CPA6: variants seen among roughly 807,000 people sequenced by gnomAD.
CPA6 encodes carboxypeptidase B.
A neutral mutation model predicts 63.3 loss-of-function variants in CPA6; 58 were observed. The ratio of observed to expected loss-of-function variants is 0.92; its 90% CI spans 0.74 to 1.14. CPA6 has a LOEUF of 1.14. Among genes scored for constraint, CPA6 ranks in the 50% most tolerant of loss-of-function variants. CPA6 has a pLI of 0.00. For missense variants in CPA6, 565 were observed against 526.6 expected (o/e 1.07, Z -0.71); for synonymous variants, 185 against 179.0 (o/e 1.03, Z -0.27).
intron 2 of CPA6, among the ~76,000 whole-genome samples, chr8:67,605,833 C>G (rs1425173315): frequency 1.3e-5 from 2 of 152,028 alleles, no homozygotes; most frequent in Admixed American, 6.5e-5. Context: ...AAGACCAGGC[C>G]TTGTTCAGTT....
At position 67,447,544 on chromosome 8, in the gene CPA6, CA is replaced by C. The variant is rs1563956711; in HGVS notation, c.839-13305del. Among the ~76,000 whole-genome samples, 280 of 122,412 alleles carry C rather than the reference CA, an allele frequency of 2.3e-3. 1 individual carries two copies. Among genetic ancestry groups the C allele is most frequent in the African/African-American group, 0.011 (231 of 20,870 alleles). 80.3% of individuals were successfully genotyped at this position (122,412 alleles called of 152,430 possible). A position where few individuals can be genotyped will look rare whatever the true frequency, so the allele number is the denominator to read the frequency against. On this transcript the variant is annotated intron_variant, in intron 8 of 10. Transcript: ENST00000297770. ...ACACACACACACACACACACACACA[CA>C]CATACACATTTTAAATAGGTGATAA...
intron 8 of CPA6, among the ~76,000 whole-genome samples, chr8:67,434,623 C>T (rs547138499): frequency 4.6e-5 from 7 of 152,320 alleles, no homozygotes; most frequent in East Asian, 1.9e-4. Context: ...CTGCCTACAG[C>T]GTCTGCTCCA....
At chr8:67,572,355 G>T (rs1813506305) in intron 2 of CPA6, among the ~76,000 whole-genome samples, 1 of 152,202 alleles carries the variant, frequency 6.6e-6, no homozygotes, top group South Asian at 2.1e-4. Flanking sequence ...CTAGTAGTAA[G>T]TTCTTGCTTT....
At chr8:67,677,248 C>T (rs1816495100) in intron 1 of CPA6, among the ~76,000 whole-genome samples, 1 of 151,992 alleles carries the variant, frequency 6.6e-6, no homozygotes, top group African/African-American at 2.4e-5. Flanking sequence ...CATAAATTAT[C>T]AATGAGTGAT....
At chr8:67,650,669 A>T (rs763427291) in intron 1 of CPA6, among the ~76,000 whole-genome samples, 1 of 152,050 alleles carries the variant, frequency 6.6e-6, no homozygotes, top group African/African-American at 2.4e-5. Flanking sequence ...TAGTGGAGGG[A>T]TACACCTTAA....
intron 1 of CPA6, among the ~76,000 whole-genome samples, chr8:67,654,841 G>T (rs1487733379): frequency 6.6e-6 from 1 of 152,142 alleles, no homozygotes; most frequent in African/African-American, 2.4e-5. Flanking sequence ...CAGGCCTCAA[G>T]GGCTTACGAT....
intron 2 of CPA6, among the ~76,000 whole-genome samples, chr8:67,551,874 A>G (rs1452831655): frequency 6.6e-6 from 1 of 152,110 alleles, no homozygotes; most frequent in African/African-American, 2.4e-5. Flanking sequence ...TGATATGAGG[A>G]GTTGCCTTGG....
intron 1 of CPA6, among the ~76,000 whole-genome samples, chr8:67,631,145 G>A (rs776837864): frequency 2.6e-5 from 4 of 152,226 alleles, no homozygotes; most frequent in Admixed American, 6.5e-5. Flanking sequence ...CCGTGGCCCC[G>A]GTGTGGGATC....
chr8:67,429,435 C>T (rs372928431), intron 9 of CPA6, among the ~76,000 whole-genome samples: 5 of 152,142 alleles, frequency 3.3e-5, no homozygotes, highest in East Asian at 3.9e-4. Flanking sequence ...TGGAGCACTC[C>T]GGACAACGTG....
chr8:67,575,205 G>C lies in CPA6; in HGVS notation c.192+48971C>G, dbSNP rs549309932. Among the ~76,000 whole-genome samples, 3 of 152,290 alleles carry C rather than the reference G, an allele frequency of 2.0e-5. No individual in the cohort carries two copies. In the South Asian group the frequency reaches 6.2e-4, roughly 32 times the overall value. ...ATGAGATATCACCTCATACCTGATA[G>C]GATGGCTATTACCAAAAAGAGGAAA... On this transcript the variant is annotated intron_variant, in intron 2 of 10. Transcript: ENST00000297770.
chr8:67,707,320 T>C (rs2623864), intron 1 of CPA6, among the ~76,000 whole-genome samples: 38,259 of 152,138 alleles, frequency 0.25, 5,015 homozygotes, highest in South Asian at 0.34. Context: ...CATAATCCTT[T>C]CACGACTTTT....
chr8:67,682,013 A>T (rs1331007296), intron 1 of CPA6, among the ~76,000 whole-genome samples: 2 of 152,154 alleles, frequency 1.3e-5, no homozygotes, highest in Non-Finnish European at 2.9e-5. Flanking sequence ...AAAACCTGTT[A>T]CTTTGTTTCT....
chr8:67,637,343 A>G (rs1815491368), intron 1 of CPA6, among the ~76,000 whole-genome samples: 1 of 151,678 alleles, frequency 6.6e-6, no homozygotes, highest in Non-Finnish European at 1.5e-5. Flanking sequence ...TTCTTCTCCC[A>G]TTAGCATAAA....
intron 2 of CPA6, among the ~76,000 whole-genome samples, chr8:67,556,772 C>G (rs1196698595): frequency 6.6e-6 from 1 of 152,248 alleles, no homozygotes; most frequent in Non-Finnish European, 1.5e-5. Context: ...TGTCAAGATC[C>G]TCTTGCTTCC....
At chr8:67,594,394 G>A (rs1332015101) in intron 2 of CPA6, among the ~76,000 whole-genome samples, 2 of 151,950 alleles carry the variant, frequency 1.3e-5, no homozygotes, top group Admixed American at 6.6e-5. Context: ...GTATCTTTGC[G>A]GCGTTCTCTG....
intron 1 of CPA6, among the ~76,000 whole-genome samples, chr8:67,657,274 T>TCACAA (rs1816007482): frequency 1.3e-5 from 2 of 152,216 alleles, no homozygotes; most frequent in South Asian, 4.1e-4. Context: ...TCCTTCGTGA[T>TCACAA]TACAGCAGAC....
At chr8:67,706,033 G>T (rs1435032067) in intron 1 of CPA6, among the ~76,000 whole-genome samples, 2 of 152,096 alleles carry the variant, frequency 1.3e-5, no homozygotes, top group Non-Finnish European at 2.9e-5. Context: ...AAAATAACTG[G>T]TTGTTTACAA....
intron 6 of CPA6, among the ~76,000 whole-genome samples, chr8:67,486,755 A>G (rs1212996657): frequency 2.0e-5 from 3 of 152,230 alleles, no homozygotes; most frequent in Admixed American, 1.3e-4. Flanking sequence ...GAGATCATTT[A>G]GGCCTAGAGC....
At chr8:67,520,865 T>C (rs1477817791) in intron 2 of CPA6, among the ~76,000 whole-genome samples, 1 of 152,224 alleles carries the variant, frequency 6.6e-6, no homozygotes, top group Admixed American at 6.5e-5. Context: ...ATCTTCCAAC[T>C]TCCTGACCTA....
Sources: allele counts gnomAD v4.1 joint callset (sites outside exome capture counted in the v4.1 genomes callset), GRCh38; gene constraint gnomAD v4.1.1; transcripts MANE v1.5; gene names NCBI Gene and HGNC (gene_info 2026-07-23, HGNC 2026-07-21).